C4orf54: variants seen among roughly 807,000 people sequenced by gnomAD.
The protein encoded by C4orf54 is chromosome 4 open reading frame 54, also known as uncharacterized protein C4orf54.
C4orf54 carries 67 observed loss-of-function variants against 80.1 expected under a neutral mutation model. That is an observed-to-expected ratio of 0.84 (90% CI 0.69 to 1.03). The LOEUF (loss-of-function observed/expected upper bound fraction) is 1.03. Ranked by LOEUF, C4orf54 falls within the 50% of genes least tolerant of loss-of-function variation. The pLI is 0.00. For synonymous variants in C4orf54, 1,000 were observed against 917.0 expected, an observed-to-expected ratio of 1.09 and a Z score of -1.64; for missense variants, 2,434 against 2,253.5, an observed-to-expected ratio of 1.08 and a Z score of -1.62.
Position 99,639,884 on chromosome 4 carries a change from A to G in C4orf54, c.*1349T>C, listed in dbSNP as rs1726575727. On this transcript the variant is annotated 3_prime_UTR_variant, in exon 3 of 3. Transcript: ENST00000511828. ...AAATATTGCTGAGGTTTAAAATAATATTAGGGTGTTTAAAAAATTACCAGA... is the reference window on the plus strand; with the variant it reads ...AAATATTGCTGAGGTTTAAAATAATGTTAGGGTGTTTAAAAAATTACCAGA... 6.6e-6 allele frequency: 1 copy of G among 152,150 alleles called. No individual in the cohort carries two copies. Among genetic ancestry groups the G allele is most frequent in the Non-Finnish European group, 1.5e-5 (1 of 68,002 alleles). The allele number at this position is 152,150 out of a possible 1,614,324, so 9.4% of individuals were successfully genotyped here.
chr4:99,653,714 C>G lies in C4orf54; in HGVS notation c.935G>C (p.Ser312Thr). 6.5e-7 allele frequency: 1 copy of G among 1,533,134 alleles called. No individual in the cohort carries two copies. The highest frequency in any genetic ancestry group is 8.7e-7 in the Non-Finnish European group (1 of 1,144,950). 95.0% of individuals were successfully genotyped at this position (1,533,134 alleles called of 1,614,324 possible). ...TCCTCCCACGGCCTGGCAACCTTCA[C>G]TTTCACCACTCTCACTCTCGAAGCC... ...SLGFESESGE[S>T]EGCQAVGGEG... is the part of the protein sequence containing the mutation. Residue 312 changes from serine to threonine, a missense_variant, in exon 2 of 3, where the codon AGT becomes ACT. Ser to Thr is a moderately conservative substitution (Grantham distance 58). Coordinates refer to ENST00000511828, the MANE Select transcript of C4orf54 (RefSeq NM_001354435.2).
At position 99,650,330 on chromosome 4, in the gene C4orf54, A is replaced by T. The variant is rs773211856; in HGVS notation, c.4319T>A (p.Ile1440Asn). 4 of 1,535,646 alleles carry T rather than the reference A, an allele frequency of 2.6e-6. No individual in the cohort carries two copies. The African/African-American group carries it at 5.5e-5, about 21-fold the overall frequency. Reference sequence around the variant, plus strand: ...AGGAGGTGCCCGGGTGGCTGGAGAGATCTTGAGGGACCGGAGTCCCTGCGA... The same window carrying T: ...AGGAGGTGCCCGGGTGGCTGGAGAGTTCTTGAGGGACCGGAGTCCCTGCGA... Reference protein sequence around the residue: ...IKSQGLRSLKISPATRAPPDE... With the variant: ...IKSQGLRSLKNSPATRAPPDE... Residue 1440 changes from isoleucine (I) to asparagine (N), a missense_variant, in exon 2 of 3, where the codon ATC (isoleucine) becomes AAC (asparagine). Physicochemically the swap from Ile to Asn is moderately radical, Grantham distance 149. Transcript: ENST00000511828.
Position 99,652,598 on chromosome 4 carries a change from C to G in C4orf54, c.2051G>C (p.Ser684Thr). The change falls in exon 2 of 3, where the codon AGC (serine) becomes ACC (threonine). Residue 684 changes from serine to threonine, a missense_variant. Ser to Thr is a moderately conservative substitution (Grantham distance 58, BLOSUM62 1). Transcript: ENST00000511828. ...CAGACCTGCAGCCACAGAGGCCGCG[C>G]TGCTCCTGAGGAGGCTCTGCTCCAC... ...ARVEQSLLRS[S>T]AASVAAGLRK... 6.5e-7 allele frequency: 1 copy of G among 1,536,102 alleles called. No individual in the cohort carries two copies. Among genetic ancestry groups the G allele is most frequent in the Non-Finnish European group, 8.7e-7 (1 of 1,146,910 alleles).
At chr4:99,655,979 C>T (rs1726972191) in intron 1 of C4orf54, among the ~76,000 whole-genome samples, 1 of 152,170 alleles carries the variant, frequency 6.6e-6, no homozygotes, top group Admixed American at 6.5e-5. Context: ...GTGGGAGCCC[C>T]TAACAACTGA....
chr4:99,657,095 T>A (rs1726990240), intron 1 of C4orf54, among the ~76,000 whole-genome samples: 1 of 152,252 alleles, frequency 6.6e-6, no homozygotes, highest in Non-Finnish European at 1.5e-5. Context: ...AAGCTGAGTA[T>A]TTTCAATGTC....
Position 99,651,936 on chromosome 4 carries a change from C to G in C4orf54, c.2713G>C (p.Glu905Gln), listed in dbSNP as rs920500611. The change falls in exon 2 of 3, where the codon GAG (glutamate) becomes CAG (glutamine). Residue 905 changes from glutamate (E) to glutamine (Q), a missense_variant. Coordinates refer to ENST00000511828, the MANE Select transcript of C4orf54 (RefSeq NM_001354435.2). ...SPVFKASTPRERNAGPGRNFT... is the reference protein window; with the variant it reads ...SPVFKASTPRQRNAGPGRNFT... ...TTCCGGCCAGGGCCTGCGTTGCGCT[C>G]GCGAGGAGTACTGGCTTTGAAGACT... is the stretch of plus-strand genomic sequence containing the variant. The G allele has an allele frequency of 6.5e-7, 1 of 1,535,990 alleles. No homozygotes were observed. Among genetic ancestry groups the G allele is most frequent in the Non-Finnish European group, 8.7e-7 (1 of 1,146,914 alleles).
chr4:99,649,505 C>T lies in C4orf54; in HGVS notation c.5144G>A (p.Ser1715Asn). The T allele has an allele frequency of 6.5e-7, 1 of 1,536,150 alleles. No homozygotes were observed. The highest frequency in any genetic ancestry group is 8.7e-7 in the Non-Finnish European group (1 of 1,146,928). The change falls in exon 2 of 3, where the codon AGC (serine) becomes AAC (asparagine). Residue 1715 changes from serine to asparagine, a missense_variant. By Grantham distance (46) the Ser-to-Asn change is conservative (BLOSUM62 1). Transcript: ENST00000511828. ...GGTGAACGTTGCAGCTGCCTCTTTG[C>T]TGGAAGGTTCTGCCACCATTGGGGA... ...ELSPMVAEPSSKEAAATFTEA... is the reference protein window; with the variant it reads ...ELSPMVAEPSNKEAAATFTEA...
rs539120754 is a variant in C4orf54 at position 99,653,138 on chromosome 4, G to A, written c.1511C>T (p.Ala504Val). 7.2e-6 allele frequency: 11 copies of A among 1,536,200 alleles called. No homozygotes were observed. The highest frequency in any genetic ancestry group is 1.7e-4 in the Middle Eastern group (1 of 5,984). ...ACAGCTGCTTGCGGCGGCGGCTGCT[G>A]CCCCTGAAGCTGCCTCCGGGGTCTC... ...LPETPEAASG[A>V]AAAAASSCGS... The change falls in exon 2 of 3, where the codon GCA becomes GTA. Residue 504 changes from alanine (A) to valine (V), a missense_variant. Physicochemically the swap from Ala to Val is moderately conservative, Grantham distance 64. Transcript: ENST00000511828.
Position 99,651,796 on chromosome 4 carries a change from C to T in C4orf54, c.2853G>A (p.Glu951=), listed in dbSNP as rs1254910614. The change falls in exon 2 of 3, where the codon GAG becomes GAA. Residue 951 remains glutamate (E), a synonymous_variant. Transcript: ENST00000511828. The part of the protein sequence containing the change: ...NSAFRSWKEK[E]AEKREEQAPI... Reference sequence around the variant, plus strand: ...GGGCTTGTTCCTCCCTCTTCTCGGCCTCTTTCTCCTTCCATGACCGGAACG... The same window carrying T: ...GGGCTTGTTCCTCCCTCTTCTCGGCTTCTTTCTCCTTCCATGACCGGAACG... The T allele has an allele frequency of 2.0e-6, 3 of 1,536,004 alleles. No individual in the cohort carries two copies. The highest frequency in any genetic ancestry group is 2.6e-6 in the Non-Finnish European group (3 of 1,146,916).
In C4orf54 at chr4:99,654,360, G is replaced by GCACTGCTGC. The variant is rs976747627; in HGVS notation, c.280_288dup (p.Ala94_Val96dup). On this transcript the variant is annotated inframe_insertion, in exon 2 of 3. Coordinates refer to ENST00000511828, the MANE Select transcript of C4orf54 (RefSeq NM_001354435.2). ...ATCTGGACTGGCCCCAAGGCTGTAG[G>GCACTGCTGC]CACTGCTGCCACTGCTGCCACCACC... is the stretch of plus-strand genomic sequence containing the variant. 4.2e-6 allele frequency: 5 copies of GCACTGCTGC among 1,182,306 alleles called. No individual in the cohort carries two copies. Among genetic ancestry groups the GCACTGCTGC allele is most frequent in the East Asian group, 5.1e-5 (2 of 39,268 alleles). The allele number at this position is 1,182,306 out of a possible 1,614,324, so 73.2% of individuals were successfully genotyped here. A position where few individuals can be genotyped will look rare whatever the true frequency, so the allele number is the denominator to read the frequency against.
rs1281997482 is a variant in C4orf54, at chr4:99,654,521, C to A, written c.128G>T (p.Ser43Ile). ...CGAGACTGTGGCCAGTGTTCTGTAG[C>A]TGAGCTGTCCTGTCCAGTTGTTTGC... is the stretch of plus-strand genomic sequence containing the variant. Reference protein sequence around the residue: ...CQANNWTGQLSYRTLATVSAG... With the variant: ...CQANNWTGQLIYRTLATVSAG... The change falls in exon 2 of 3, where the codon AGC (serine) becomes ATC (isoleucine). Residue 43 changes from serine (S) to isoleucine (I), a missense_variant. Ser to Ile is a moderately radical substitution (Grantham distance 142, BLOSUM62 -2). Coordinates refer to ENST00000511828, the MANE Select transcript of C4orf54 (RefSeq NM_001354435.2). 2.8e-6 allele frequency: 2 copies of A among 703,368 alleles called. No homozygotes were observed. The highest frequency in any genetic ancestry group is 2.7e-5 in the East Asian group (1 of 37,286). 43.6% of individuals were successfully genotyped at this position (703,368 alleles called of 1,614,324 possible).
rs1458246285 is a variant in C4orf54, at chr4:99,640,730, A to C, written c.*503T>G. ...TTCAAAGAGCAGACCATCATAGTGAAAACTTAAATACGTATTACAACTCAG... is the reference window on the plus strand; with the variant it reads ...TTCAAAGAGCAGACCATCATAGTGACAACTTAAATACGTATTACAACTCAG... On this transcript the variant is annotated 3_prime_UTR_variant, in exon 3 of 3. Transcript: ENST00000511828. The C allele has an allele frequency of 6.6e-6, 1 of 152,210 alleles. No individual in the cohort carries two copies. Among genetic ancestry groups the C allele is most frequent in the African/African-American group, 2.4e-5 (1 of 41,456 alleles). 9.4% of individuals were successfully genotyped at this position (152,210 alleles called of 1,614,324 possible). A position where few individuals can be genotyped will look rare whatever the true frequency, so the allele number is the denominator to read the frequency against.
Position 99,653,924 on chromosome 4 carries a change from C to A in C4orf54, c.725G>T (p.Ser242Ile), listed in dbSNP as rs1435221364. The change falls in exon 2 of 3, where the codon AGC (serine) becomes ATC (isoleucine). Residue 242 changes from serine to isoleucine, a missense_variant. Transcript: ENST00000511828. Reference sequence around the variant, plus strand: ...GGAGGAGGCAGGATTGTTCTGGGGGCTTGGAGTCTTGCTGCTGGGTTCATC... The same window carrying A: ...GGAGGAGGCAGGATTGTTCTGGGGGATTGGAGTCTTGCTGCTGGGTTCATC... Reference protein sequence around the residue: ...AQDEPSSKTPSPQNNPASSQL... With the variant: ...AQDEPSSKTPIPQNNPASSQL... 6.5e-7 allele frequency: 1 copy of A among 1,536,236 alleles called. No homozygotes were observed. The highest frequency in any genetic ancestry group is 1.2e-5 in the South Asian group (1 of 84,050).
Position 99,654,774 on chromosome 4 carries a change from A to T in C4orf54, c.-31-95T>A, listed in dbSNP as rs1283835862. 34 of 595,846 alleles carry T rather than the reference A, an allele frequency of 5.7e-5. No homozygotes were observed. In the East Asian group the frequency reaches 9.1e-4, roughly 16 times the overall value. 36.9% of individuals were successfully genotyped at this position (595,846 alleles called of 1,614,324 possible). On this transcript the variant is annotated intron_variant, in intron 1 of 2. Coordinates refer to ENST00000511828, the MANE Select transcript of C4orf54 (RefSeq NM_001354435.2). ...AACCACACTTGAGGGTAGAAAGAAG[A>T]GGCTCTAATGAGATGAAAAGAGAAG...
Position 99,649,788 on chromosome 4 carries a change from A to T in C4orf54, c.4861T>A (p.Tyr1621Asn). ...KMLLDVTTGQ[Y>N]YLVDTPVQPM... is the part of the protein sequence containing the mutation. ...TGTACTGGTGTGTCCACCAGATAGTACTGGCCTGTTGTCACATCCAGGAGC... is the reference window on the plus strand; with the variant it reads ...TGTACTGGTGTGTCCACCAGATAGTTCTGGCCTGTTGTCACATCCAGGAGC... The change falls in exon 2 of 3, where the codon TAC becomes AAC. Residue 1621 changes from tyrosine to asparagine, a missense_variant. Transcript: ENST00000511828. 6.5e-7 allele frequency: 1 copy of T among 1,536,176 alleles called. No individual in the cohort carries two copies.
chr4:99,654,580 G>T lies in C4orf54; in HGVS notation c.69C>A (p.Gly23=), dbSNP rs190907507. The T allele has an allele frequency of 1.5e-3, 1,086 of 702,908 alleles. 21 individuals are homozygous for T. The Admixed American group carries it at 0.02, about 13-fold the overall frequency. 43.5% of individuals were successfully genotyped at this position (702,908 alleles called of 1,614,324 possible). The stretch of plus-strand genomic sequence containing the variant: ...GTCGGCAGCAGCGAGGAGTCTGAAT[G>T]CCATCGGCCACGGAAGAAGCAGCAT... ...PTDAASSVAD[G]IQTPRCCRRC... Residue 23 remains glycine (G), a synonymous_variant, in exon 2 of 3, where the codon GGC becomes GGA. Transcript: ENST00000511828.
Position 99,639,114 on chromosome 4 carries a change from T to C in C4orf54, c.*2119A>G, listed in dbSNP as rs1726561075. On this transcript the variant is annotated 3_prime_UTR_variant, in exon 3 of 3. Transcript: ENST00000511828. ...TCTAGAGAAGGAGTTGTCTCTCTTTTGGAAGAGTTGGTGAGCAGTCACTAC... is the reference window on the plus strand; with the variant it reads ...TCTAGAGAAGGAGTTGTCTCTCTTTCGGAAGAGTTGGTGAGCAGTCACTAC... 2 of 152,170 alleles carry C rather than the reference T, an allele frequency of 1.3e-5. No homozygotes were observed. The highest frequency in any genetic ancestry group is 4.1e-4 in the South Asian group (2 of 4,832). The allele number at this position is 152,170 out of a possible 1,614,324, so 9.4% of individuals were successfully genotyped here.
Sources: allele counts gnomAD v4.1 joint callset (sites outside exome capture counted in the v4.1 genomes callset), GRCh38; gene constraint gnomAD v4.1.1; transcripts MANE v1.5; gene names NCBI Gene and HGNC (gene_info 2026-07-23, HGNC 2026-07-21).